PCDHA4: variants seen among roughly 807,000 people sequenced by gnomAD.
The protein encoded by PCDHA4 is protocadherin alpha-4.
A neutral mutation model predicts 61.4 loss-of-function variants in PCDHA4; 49 were observed. That is an observed-to-expected ratio of 0.80 (90% CI 0.63 to 1.01). PCDHA4 has a LOEUF of 1.01. PCDHA4 is among the 50% of genes least tolerant of loss of function. PCDHA4 has a pLI of 0.00. For synonymous variants in PCDHA4, 590 were observed against 550.3 expected (o/e 1.07, Z -1.01); for missense variants, 1,254 against 1,235.8 (o/e 1.01, Z -0.22).
At chr5:140,927,204 G>C (rs1554204171) in intron 1 of PCDHA4, 1 of 1,614,112 alleles carries the variant, frequency 6.2e-7, no homozygotes, top group Middle Eastern at 1.6e-4. Flanking sequence ...TCGAGGACCC[G>C]CTGGAGCTGC....
intron 1 of PCDHA4, among the ~76,000 whole-genome samples, chr5:140,933,958 G>A (rs2089541288): frequency 1.3e-5 from 2 of 151,998 alleles, no homozygotes; most frequent in South Asian, 4.1e-4. Context: ...AGGATCTGTA[G>A]TGATGTTTCC....
rs374163229 is a variant in PCDHA4 at position 140,870,784 on chromosome 5, G to C, written c.2385+61212G>C. 16 of 1,613,456 alleles carry C rather than the reference G, an allele frequency of 9.9e-6. No homozygotes were observed. The African/African-American group carries it at 2.0e-4, about 20-fold the overall frequency. On this transcript the variant is annotated intron_variant, in intron 1 of 3. Transcript: ENST00000530339. ...GTTCGTGCTGGACGAGAACGACAAC[G>C]CGCCGGCACTGCTGGCGACTCAGGC...
intron 1 of PCDHA4, among the ~76,000 whole-genome samples, chr5:140,957,899 A>G (rs551066654): frequency 3.0e-4 from 46 of 152,226 alleles, no homozygotes; most frequent in African/African-American, 1.1e-3. Flanking sequence ...GCATCAACCA[A>G]GGCATATTGT....
At chr5:140,898,445 G>GAA (rs1317860515) in intron 1 of PCDHA4, among the ~76,000 whole-genome samples, 7 of 152,126 alleles carry the variant, frequency 4.6e-5, no homozygotes, top group Admixed American at 3.3e-4. Flanking sequence ...ATTAAATAGG[G>GAA]AATCCTTTCC....
At chr5:140,996,077 G>A in intron 3 of PCDHA4, among the ~76,000 whole-genome samples, 1 of 152,218 alleles carries the variant, frequency 6.6e-6, no homozygotes, top group East Asian at 1.9e-4. Flanking sequence ...GATTCAAGAT[G>A]TTTTTGCTAG....
chr5:140,877,408 C>A, intron 1 of PCDHA4: 1 of 1,613,924 alleles, frequency 6.2e-7, no homozygotes, highest in South Asian at 1.1e-5. Context: ...TCCGCGCCAC[C>A]GCCTGCTGGT....
intron 1 of PCDHA4, among the ~76,000 whole-genome samples, chr5:140,910,952 G>A (rs1188072199): frequency 3.3e-5 from 5 of 152,082 alleles, no homozygotes; most frequent in African/African-American, 1.2e-4. Context: ...TTCTTTTCGA[G>A]TGTAGCACAC....
At chr5:140,828,499 G>A (rs2150156076) in intron 1 of PCDHA4, 7 of 1,614,142 alleles carry the variant, frequency 4.3e-6, no homozygotes, top group Admixed American at 1.7e-5. Flanking sequence ...TCCCGGTAGA[G>A]GAACAAAGAG....
intron 1 of PCDHA4, chr5:140,823,401 G>GT: frequency 1.2e-6 from 2 of 1,613,022 alleles, no homozygotes; most frequent in Non-Finnish European, 1.7e-6. Flanking sequence ...CGGGCGTGCC[G>GT]CCTCTGGGCA....
chr5:140,835,934 G>T, intron 1 of PCDHA4: 1 of 1,612,552 alleles, frequency 6.2e-7, no homozygotes, highest in South Asian at 1.1e-5. Context: ...GCGGCAAGGT[G>T]TACGCGCTGC....
intron 1 of PCDHA4, chr5:140,856,807 T>G: frequency 6.3e-7 from 1 of 1,594,936 alleles, no homozygotes; most frequent in African/African-American, 1.3e-5. Context: ...TGTATGAAAA[T>G]CAAGTGAACC....
rs375652776 is a variant in PCDHA4, at chr5:140,968,862, G to A, written c.2386-10087G>A. The A allele has an allele frequency of 1.9e-5, 31 of 1,614,126 alleles. No individual in the cohort carries two copies. The highest frequency in any genetic ancestry group is 1.5e-4 in the South Asian group (14 of 91,062). The stretch of plus-strand genomic sequence containing the variant: ...ACTCAGAGGCATGTTAAGAGCCCTC[G>A]GACATACTCTGAAATTACCCTTTAT... On this transcript the variant is annotated intron_variant, in intron 1 of 3. Transcript: ENST00000530339.
intron 1 of PCDHA4, among the ~76,000 whole-genome samples, chr5:140,933,649 T>G (rs1259214104): frequency 6.6e-6 from 1 of 152,058 alleles, no homozygotes; most frequent in Non-Finnish European, 1.5e-5. Flanking sequence ...AAGTTGGAAA[T>G]CCTGTCTCTC....
rs1554149241 is a variant in PCDHA4, at chr5:140,856,873, A to C, written c.2385+47301A>C. The C allele has an allele frequency of 1.9e-6, 3 of 1,595,922 alleles. 1 individual carries two copies. The African/African-American group carries it at 4.0e-5, about 21-fold the overall frequency. On this transcript the variant is annotated intron_variant, in intron 1 of 3. Transcript: ENST00000530339. ...ATTCGGATGAAGGAATAAACAAGGA[A>C]ATGATGTATTCATTTAGCTCTTTGG...
intron 1 of PCDHA4, among the ~76,000 whole-genome samples, chr5:140,964,913 A>G (rs1254329232): frequency 6.6e-6 from 1 of 152,202 alleles, no homozygotes; most frequent in African/African-American, 2.4e-5. Context: ...CTCTGGAATA[A>G]CACTGGCTAG....
rs1554135389 is a variant in PCDHA4 at position 140,835,887 on chromosome 5, C to T, written c.2385+26315C>T. The T allele has an allele frequency of 3.7e-6, 6 of 1,611,898 alleles. No homozygotes were observed. In the East Asian group the frequency reaches 1.1e-4, roughly 30 times the overall value. ...GCTGGTGGAGCTGCGGGTGGGCGAG[C>T]GCGCGCTGTCGAGCTACGTGTCAGT... is the stretch of plus-strand genomic sequence containing the variant. On this transcript the variant is annotated intron_variant, in intron 1 of 3. Transcript: ENST00000530339.
At chr5:140,873,477 G>T (rs1351179000) in intron 1 of PCDHA4, among the ~76,000 whole-genome samples, 1 of 151,984 alleles carries the variant, frequency 6.6e-6, no homozygotes, top group Non-Finnish European at 1.5e-5. Flanking sequence ...AAATTACTTG[G>T]ACTGATTTCT....
intron 1 of PCDHA4, chr5:140,856,768 C>T: frequency 6.3e-7 from 1 of 1,596,818 alleles, no homozygotes; most frequent in African/African-American, 1.3e-5. Context: ...ACGCCCCTAT[C>T]TTTGACAGAC....
intron 1 of PCDHA4, chr5:140,824,158 C>T (rs2150132728): frequency 6.2e-7 from 1 of 1,611,212 alleles, no homozygotes. Context: ...ATCCATCTTT[C>T]CCTCCCAATT....
Sources: gnomAD v4.1 joint callset for allele counts (sites outside exome capture counted in the v4.1 genomes callset) on GRCh38, gnomAD v4.1.1 for gene constraint, MANE v1.5 for transcripts, NCBI Gene and HGNC (gene_info 2026-07-23, HGNC 2026-07-21) for gene names.